Variants in TANGO6 observed in about 807,000 individuals in gnomAD.
The protein encoded by TANGO6 is transport and golgi organization 6 homolog.
Under a neutral mutation model 114.2 loss-of-function variants are expected in TANGO6, and 90 were observed. The observed-to-expected ratio is 0.79, with a 90% CI of 0.66 to 0.94. The LOEUF is 0.94. Among genes scored for constraint, TANGO6 ranks in the 40% least tolerant of loss-of-function variants. The probability of loss-of-function intolerance (pLI) is 0.00; values close to 1 mark genes in which losing one functional copy is unlikely to be tolerated. For missense variants in TANGO6, 1,274 were observed against 1,315.3 expected (o/e 0.97, Z 0.49); for synonymous variants, 477 against 509.8 (o/e 0.94, Z 0.87).
intron 14 of TANGO6, chr16:68,972,960 A>G (rs879567912): frequency 3.2e-6 from 1 of 311,714 alleles, no homozygotes; most frequent in Non-Finnish European, 6.3e-6. Context: ...GAGAATAGCA[A>G]GGAGGCCAGG....
At chr16:69,030,324 C>T (rs1959574137) in intron 16 of TANGO6, among the ~76,000 whole-genome samples, 1 of 151,862 alleles carries the variant, frequency 6.6e-6, no homozygotes, top group Admixed American at 6.6e-5. Context: ...TATGGGAGCA[C>T]CTTTGAGGAG....
At chr16:69,005,558 G>A (rs113105567) in intron 15 of TANGO6, among the ~76,000 whole-genome samples, 1,536 of 152,230 alleles carry the variant, frequency 0.01, 12 homozygotes, top group Middle Eastern at 0.02. Flanking sequence ...CCAATCCCAG[G>A]AGGCCAAGGC....
chr16:68,939,622 A>G (rs1963331963), intron 14 of TANGO6, among the ~76,000 whole-genome samples: 2 of 147,154 alleles, frequency 1.4e-5, no homozygotes, highest in South Asian at 4.3e-4. Context: ...ATTTTATTCT[A>G]GGAAACGGAA....
intron 16 of TANGO6, among the ~76,000 whole-genome samples, chr16:69,037,647 C>T (rs1456996615): frequency 6.6e-6 from 1 of 152,188 alleles, no homozygotes; most frequent in Non-Finnish European, 1.5e-5. Context: ...GACTGAATTG[C>T]TTCTACTGTT....
At chr16:68,950,818 C>T (rs992070663) in intron 14 of TANGO6, among the ~76,000 whole-genome samples, 5 of 151,820 alleles carry the variant, frequency 3.3e-5, no homozygotes, top group Admixed American at 2.0e-4. Context: ...GATGTGGCAC[C>T]GTTGCACTCC....
At chr16:69,006,589 A>G (rs1179264109) in intron 15 of TANGO6, among the ~76,000 whole-genome samples, 1 of 151,910 alleles carries the variant, frequency 6.6e-6, no homozygotes, top group African/African-American at 2.4e-5. Flanking sequence ...ACTTAAAAAA[A>G]AAAATACAAA....
At chr16:68,906,415 G>A (rs984821339) in intron 9 of TANGO6, among the ~76,000 whole-genome samples, 11 of 152,114 alleles carry the variant, frequency 7.2e-5, no homozygotes, top group Admixed American at 5.2e-4. Flanking sequence ...AAAAGTCAAA[G>A]TTCCTTTGAA....
At chr16:68,993,711 T>A (rs1238791703) in intron 15 of TANGO6, among the ~76,000 whole-genome samples, 5 of 152,242 alleles carry the variant, frequency 3.3e-5, no homozygotes. Context: ...TGAACTTTTA[T>A]ATATCTAATT....
chr16:68,954,443 G>A (rs1221702819), intron 14 of TANGO6, among the ~76,000 whole-genome samples: 3 of 151,996 alleles, frequency 2.0e-5, no homozygotes, highest in African/African-American at 7.2e-5. Flanking sequence ...TAACCAGATG[G>A]CTCTCCTTTT....
intron 12 of TANGO6, among the ~76,000 whole-genome samples, chr16:68,923,792 G>C (rs1346173898): frequency 6.7e-6 from 1 of 150,188 alleles, no homozygotes; most frequent in Admixed American, 6.7e-5. Flanking sequence ...TCTAATGAAG[G>C]AGGCATGATT....
intron 14 of TANGO6, among the ~76,000 whole-genome samples, chr16:68,953,057 T>C (rs1411807419): frequency 1.6e-5 from 2 of 126,570 alleles, no homozygotes; most frequent in Non-Finnish European, 3.2e-5. Context: ...TTTTTTATTA[T>C]TATTATTATT....
At chr16:68,923,249 C>T (rs1040227538) in intron 12 of TANGO6, among the ~76,000 whole-genome samples, 3 of 151,770 alleles carry the variant, frequency 2.0e-5, no homozygotes, top group African/African-American at 4.8e-5. Flanking sequence ...TGAGCCACCG[C>T]GCCTGGCCTG....
In TANGO6 at chr16:68,930,437, T is replaced by G. The variant is rs1367180029; in HGVS notation, c.2701+142T>G. ...TTCCTGCCTCCTAGCTAGGACACTT[T>G]AAGTCATAATAATAATATTCCTGAA... On this transcript the variant is annotated intron_variant, in intron 14 of 17. Coordinates refer to ENST00000261778, the MANE Select transcript of TANGO6 (RefSeq NM_024562.2). 4.7e-6 allele frequency: 3 copies of G among 639,784 alleles called. No individual in the cohort carries two copies. In the African/African-American group the frequency reaches 5.5e-5, roughly 12 times the overall value. 39.6% of individuals were successfully genotyped at this position (639,784 alleles called of 1,614,324 possible). A position where few individuals can be genotyped will look rare whatever the true frequency, so the allele number is the denominator to read the frequency against.
In TANGO6 at chr16:68,955,976, C is replaced by T. The variant is rs1489174361; in HGVS notation, c.2702-18052C>T. Reference sequence around the variant, plus strand: ...GACCAGCCTGGCCAACATGGTGAAACCCCATCTCTACTAAAAATACAAAAA... The same window carrying T: ...GACCAGCCTGGCCAACATGGTGAAATCCCATCTCTACTAAAAATACAAAAA... On this transcript the variant is annotated intron_variant, in intron 14 of 17. Transcript: ENST00000261778. 4.6e-5 allele frequency among the ~76,000 whole-genome samples: 7 copies of T among 152,110 alleles called. No individual in the cohort carries two copies. The East Asian group carries it at 1.4e-3, about 29-fold the overall frequency.
At chr16:69,063,817 A>C (rs556505914) in intron 17 of TANGO6, among the ~76,000 whole-genome samples, 16,846 of 90,548 alleles carry the variant, frequency 0.19, 1,096 homozygotes, top group African/African-American at 0.24. Flanking sequence ...TCTTATTATT[A>C]TTATTATTAT....
At chr16:68,921,987 A>G (rs1963100023) in intron 12 of TANGO6, among the ~76,000 whole-genome samples, 2 of 152,016 alleles carry the variant, frequency 1.3e-5, no homozygotes, top group African/African-American at 4.8e-5. Context: ...CTTTCTTTGT[A>G]TTAGAAAAAA....
intron 7 of TANGO6, among the ~76,000 whole-genome samples, chr16:68,884,202 G>T (rs1208410897): frequency 6.6e-6 from 1 of 152,128 alleles, no homozygotes; most frequent in East Asian, 1.9e-4. Context: ...AAGCCACCGT[G>T]CCCGGCCTCA....
chr16:68,873,236 A>C (rs746263820), intron 4 of TANGO6, among the ~76,000 whole-genome samples: 5 of 151,804 alleles, frequency 3.3e-5, no homozygotes, highest in Non-Finnish European at 4.4e-5. Context: ...CTGTATTGGC[A>C]TTTCATACAA....
intron 1 of TANGO6, among the ~76,000 whole-genome samples, chr16:68,852,181 C>G (rs986338939): frequency 6.6e-6 from 1 of 152,096 alleles, no homozygotes; most frequent in Non-Finnish European, 1.5e-5. Context: ...AATCAATACC[C>G]CTGTTTTCTA....
Sources: gnomAD v4.1 joint callset for allele counts (sites outside exome capture counted in the v4.1 genomes callset) on GRCh38, gnomAD v4.1.1 for gene constraint, MANE v1.5 for transcripts, NCBI Gene and HGNC (gene_info 2026-07-23, HGNC 2026-07-21) for gene names.